The following EYS variants were observed in gnomAD, a reference collection of about 807,000 sequenced individuals.
EYS encodes the protein EGF-like photoreceptor maintenance factor.
EYS carries 250 observed loss-of-function variants against 282.1 expected under a neutral mutation model. The observed-to-expected ratio is 0.89, with a 90% CI of 0.80 to 0.98. The LOEUF (loss-of-function observed/expected upper bound fraction) is 0.98. Ranked by LOEUF, EYS falls within the 50% of genes least tolerant of loss-of-function variation. The pLI is 0.00. For synonymous variants in EYS, 1,355 were observed against 1,282.9 expected, an observed-to-expected ratio of 1.06 and a Z score of -1.20; for missense variants, 4,016 against 3,709.0, an observed-to-expected ratio of 1.08 and a Z score of -2.15.
chr6:64,427,359 A>C (rs552083052), intron 28 of EYS, among the ~76,000 whole-genome samples: 2 of 152,138 alleles, frequency 1.3e-5, no homozygotes, highest in Non-Finnish European at 2.9e-5. Flanking sequence ...GAGAATGTCA[A>C]CTTGGGGAGA....
At chr6:64,241,080 T>G (rs1766811063) in intron 30 of EYS, among the ~76,000 whole-genome samples, 1 of 152,176 alleles carries the variant, frequency 6.6e-6, no homozygotes, top group South Asian at 2.1e-4. Flanking sequence ...GAACCACCCT[T>G]GCATCCCAGG....
chr6:64,913,294 G>A (rs914536141), intron 15 of EYS, among the ~76,000 whole-genome samples: 1 of 152,008 alleles, frequency 6.6e-6, no homozygotes, highest in Non-Finnish European at 1.5e-5. Context: ...TACATGTGCA[G>A]GTTTGTAACA....
At chr6:65,301,171 G>A (rs1305266978) in intron 11 of EYS, among the ~76,000 whole-genome samples, 2 of 152,128 alleles carry the variant, frequency 1.3e-5, no homozygotes, top group East Asian at 1.9e-4. Flanking sequence ...TTTTTGTTAG[G>A]ATGTTAGACA....
intron 29 of EYS, among the ~76,000 whole-genome samples, chr6:64,378,934 G>A (rs1392147213): frequency 6.6e-6 from 1 of 152,118 alleles, no homozygotes; most frequent in African/African-American, 2.4e-5. Flanking sequence ...CAGAAAGCTA[G>A]TTTTGTCATA....
intron 35 of EYS, among the ~76,000 whole-genome samples, chr6:63,921,490 G>A (rs1245886570): frequency 1.3e-5 from 2 of 152,206 alleles, no homozygotes; most frequent in East Asian, 3.9e-4. Flanking sequence ...GTATGGTTTT[G>A]TGATTGGGTG....
chr6:65,412,755 T>A (rs1445338321), intron 5 of EYS, among the ~76,000 whole-genome samples: 4 of 152,166 alleles, frequency 2.6e-5, no homozygotes, highest in African/African-American at 4.8e-5. Context: ...TATATGTGGT[T>A]TGCAAGCCTA....
At chr6:64,990,544 T>C (rs560496407) in intron 14 of EYS, among the ~76,000 whole-genome samples, 2 of 151,790 alleles carry the variant, frequency 1.3e-5, no homozygotes, top group East Asian at 3.9e-4. Context: ...CTTTGGCTAA[T>C]ATTGGAAATG....
chr6:64,814,640 C>CATTATTTT (rs1764694854), intron 21 of EYS, among the ~76,000 whole-genome samples: 1 of 151,948 alleles, frequency 6.6e-6, no homozygotes, highest in Non-Finnish European at 1.5e-5. Context: ...CATGGTATGA[C>CATTATTTT]ATTATTTTTC....
intron 24 of EYS, among the ~76,000 whole-genome samples, chr6:64,616,858 T>G (rs887147284): frequency 2.0e-5 from 3 of 152,152 alleles, no homozygotes; most frequent in Non-Finnish European, 2.9e-5. Flanking sequence ...CCAATTGCTG[T>G]TTTTTCACTA....
intron 12 of EYS, among the ~76,000 whole-genome samples, chr6:65,230,049 A>G (rs1424541424): frequency 6.6e-6 from 1 of 151,978 alleles, no homozygotes; most frequent in Non-Finnish European, 1.5e-5. Flanking sequence ...TAGAAAGTAT[A>G]GGGGTCAATG....
chr6:65,296,441 C>A (rs1014758785), intron 11 of EYS, among the ~76,000 whole-genome samples: 3 of 151,538 alleles, frequency 2.0e-5, no homozygotes, highest in African/African-American at 7.3e-5. Context: ...TGTGTGTATT[C>A]ATATATTATT....
intron 6 of EYS, among the ~76,000 whole-genome samples, chr6:65,404,919 A>T (rs1001926142): frequency 1.3e-5 from 2 of 151,992 alleles, no homozygotes; most frequent in Non-Finnish European, 2.9e-5. Context: ...AATAACTAAA[A>T]GATGAAAAAA....
Position 64,453,306 on chromosome 6 carries a change from G to C in EYS, c.5645-13954C>G, listed in dbSNP as rs977878293. Among the ~76,000 whole-genome samples, 18 of 152,290 alleles carry C rather than the reference G, an allele frequency of 1.2e-4. 1 individual carries two copies. In the Middle Eastern group the frequency reaches 0.014, roughly 115 times the overall value. ...GAAATGCAAATCAAAACCACAATGAGATACCATCTCACACCAGTTAGAATG... is the reference window on the plus strand; with the variant it reads ...GAAATGCAAATCAAAACCACAATGACATACCATCTCACACCAGTTAGAATG... On this transcript the variant is annotated intron_variant, in intron 26 of 42. Coordinates refer to ENST00000503581, the MANE Select transcript of EYS (RefSeq NM_001142800.2).
At chr6:64,741,091 G>A (rs1244489783) in intron 22 of EYS, among the ~76,000 whole-genome samples, 4 of 152,078 alleles carry the variant, frequency 2.6e-5, no homozygotes, top group Non-Finnish European at 5.9e-5. Context: ...ATCTACCAGA[G>A]AAATCACTGC....
intron 21 of EYS, among the ~76,000 whole-genome samples, chr6:64,815,994 C>G (rs1764733390): frequency 6.6e-6 from 1 of 152,068 alleles, no homozygotes; most frequent in Non-Finnish European, 1.5e-5. Context: ...CAGGGTTGTC[C>G]TGTGATCTCT....
intron 12 of EYS, among the ~76,000 whole-genome samples, chr6:65,159,712 T>A (rs917441099): frequency 6.6e-6 from 1 of 150,894 alleles, no homozygotes; most frequent in Non-Finnish European, 1.5e-5. Context: ...TACTCTATAC[T>A]CACTCATATT....
chr6:63,767,978 G>T (rs1282952428), intron 40 of EYS, among the ~76,000 whole-genome samples: 1 of 152,084 alleles, frequency 6.6e-6, no homozygotes, highest in Non-Finnish European at 1.5e-5. Flanking sequence ...CTGGGGAAAG[G>T]GCTTCCTATT....
At chr6:63,820,356 T>G (rs1582240389) in intron 36 of EYS, among the ~76,000 whole-genome samples, 1 of 152,338 alleles carries the variant, frequency 6.6e-6, no homozygotes, top group Non-Finnish European at 1.5e-5. Flanking sequence ...TCTTTGAATA[T>G]TATGTTAATC....
chr6:63,917,889 G>A (rs944152876), intron 35 of EYS, among the ~76,000 whole-genome samples: 3 of 152,138 alleles, frequency 2.0e-5, no homozygotes, highest in African/African-American at 7.2e-5. Flanking sequence ...CGGCTCCAAA[G>A]CCCTTAACAA....
Sources: allele counts gnomAD v4.1 joint callset (sites outside exome capture counted in the v4.1 genomes callset), GRCh38; gene constraint gnomAD v4.1.1; transcripts MANE v1.5; gene names NCBI Gene and HGNC (gene_info 2026-07-23, HGNC 2026-07-21).